Variants in TLN2 observed in about 807,000 individuals in gnomAD.
TLN2 encodes the protein talin 2.
A neutral mutation model predicts 294.7 loss-of-function variants in TLN2; 118 were observed. The observed-to-expected ratio is 0.40, with a 90% confidence interval of 0.34 to 0.47. The LOEUF (loss-of-function observed/expected upper bound fraction) is 0.47. TLN2 is among the 20% of genes least tolerant of loss of function. TLN2 has a pLI of 0.84. For missense variants in TLN2, 3,083 were observed against 3,282.2 expected (o/e 0.94, Z 1.48); for synonymous variants, 1,431 against 1,304.5 (o/e 1.10, Z -2.09).
At chr15:62,724,877 C>A in intron 26 of TLN2, 99 bp from the exon 27 acceptor site, 2 of 1,402,404 alleles carry the variant, frequency 1.4e-6, no homozygotes, top group East Asian at 2.4e-5. Flanking sequence ...TTTGGAGAAT[C>A]ACTGGGTATA....
intron 12 of TLN2, among the ~76,000 whole-genome samples, chr15:62,691,499 A>G (rs1375843284): frequency 6.6e-6 from 1 of 152,172 alleles, no homozygotes; most frequent in East Asian, 1.9e-4. Context: ...ATTTGCTGCA[A>G]GAGAATTTGC....
Position 62,778,228 on chromosome 15 carries a change from T to C in TLN2, c.5514+1318T>C, listed in dbSNP as rs528045271. ...GCGTCTCCCTTTAGAGGCCGCAGGC[T>C]CTACTTTGTCAAATCATCCATCAGT... is the stretch of plus-strand genomic sequence containing the variant. On this transcript the variant is annotated intron_variant, in intron 43 of 58. Transcript: ENST00000636159. Among the ~76,000 whole-genome samples the C allele has an allele frequency of 1.2e-4, 19 of 152,328 alleles. 1 individual carries two copies. The South Asian group carries it at 3.5e-3, about 28-fold the overall frequency.
intron 24 of TLN2, 85 bp from the exon 25 acceptor site, chr15:62,719,682 A>G (rs2060003736): frequency 8.6e-7 from 1 of 1,165,598 alleles, no homozygotes; most frequent in Non-Finnish European, 1.2e-6. Context: ...GGCACATCCA[A>G]AAAGCGCACT....
chr15:62,660,509 A>G (rs1416208424), intron 9 of TLN2, among the ~76,000 whole-genome samples: 2 of 152,230 alleles, frequency 1.3e-5, no homozygotes, highest in Non-Finnish European at 2.9e-5. Flanking sequence ...CTTTATCTAC[A>G]TGACAGTTTT....
chr15:62,786,941 C>G (rs2064711316), intron 45 of TLN2, among the ~76,000 whole-genome samples: 1 of 152,170 alleles, frequency 6.6e-6, no homozygotes, highest in Non-Finnish European at 1.5e-5. Flanking sequence ...CACTCTGTTG[C>G]CCAGGCTGGA....
intron 11 of TLN2, among the ~76,000 whole-genome samples, chr15:62,680,787 A>G (rs1235439495): frequency 6.6e-6 from 1 of 152,048 alleles, no homozygotes; most frequent in Non-Finnish European, 1.5e-5. Flanking sequence ...TTGCGTTTGT[A>G]TCCTCATAGC....
At chr15:62,784,792 G>T (rs372593368) in intron 45 of TLN2, 24 of 152,340 alleles carry the variant, frequency 1.6e-4, no homozygotes, top group Non-Finnish European at 2.9e-5. Flanking sequence ...TTTATTGAGC[G>T]CAAACCATGT....
intron 1 of TLN2, among the ~76,000 whole-genome samples, chr15:62,453,953 C>T (rs1414903591): frequency 6.6e-6 from 1 of 152,190 alleles, no homozygotes; most frequent in South Asian, 2.1e-4. Context: ...AGTTTTGCTG[C>T]TATTGTCCAC....
chr15:62,653,450 G>A (rs760174250), intron 7 of TLN2, 136 bp downstream of exon 7: 15 of 1,088,306 alleles, frequency 1.4e-5, no homozygotes, highest in Non-Finnish European at 1.9e-5. Context: ...AGTAGGCTGG[G>A]CTCAGTGGCT....
chr15:62,718,309 G>C (rs915449392), intron 24 of TLN2, among the ~76,000 whole-genome samples: 3 of 152,232 alleles, frequency 2.0e-5, no homozygotes, highest in African/African-American at 7.2e-5. Context: ...ACAAAGTCCA[G>C]TTGCAAAGCC....
intron 12 of TLN2, among the ~76,000 whole-genome samples, chr15:62,692,389 C>T (rs2057996383): frequency 6.6e-6 from 1 of 152,232 alleles, no homozygotes; most frequent in Non-Finnish European, 1.5e-5. Flanking sequence ...TTTCCCTGCT[C>T]TGCAGCTTCC....
chr15:62,610,998 C>T (rs560229004), intron 2 of TLN2, among the ~76,000 whole-genome samples: 1 of 152,162 alleles, frequency 6.6e-6, no homozygotes, highest in African/African-American at 2.4e-5. Context: ...CCCCCTCCTG[C>T]ATCCCTTCCT....
At chr15:62,455,315 G>A (rs1048231346) in intron 1 of TLN2, among the ~76,000 whole-genome samples, 3 of 152,004 alleles carry the variant, frequency 2.0e-5, no homozygotes, top group Non-Finnish European at 2.9e-5. Flanking sequence ...GTTCCTGGAG[G>A]TGCACTTCAG....
chr15:62,520,954 G>A (rs142534733), intron 1 of TLN2, among the ~76,000 whole-genome samples: 265 of 152,270 alleles, frequency 1.7e-3, no homozygotes, highest in Middle Eastern at 3.4e-3. Context: ...GGTTAAATTA[G>A]ACGTGCAAAA....
chr15:62,717,246 AT>A (rs113194007), intron 23 of TLN2, among the ~76,000 whole-genome samples: 1 of 151,480 alleles, frequency 6.6e-6, no homozygotes, highest in Admixed American at 6.6e-5. Flanking sequence ...CTTGTGGGAG[AT>A]TTTTTTTTCC....
At chr15:62,770,919 G>GT in intron 41 of TLN2, 45 bp from the exon 42 acceptor site, 3 of 1,574,536 alleles carry the variant, frequency 1.9e-6, no homozygotes, top group Non-Finnish European at 2.6e-6. Context: ...GGAGACACGT[G>GT]TATTTACATG....
At chr15:62,447,492 T>C (rs2035884086) in intron 1 of TLN2, among the ~76,000 whole-genome samples, 1 of 150,580 alleles carries the variant, frequency 6.6e-6, no homozygotes, top group South Asian at 2.1e-4. Flanking sequence ...GAGTTAACTT[T>C]ACTTTTTTTT....
intron 1 of TLN2, among the ~76,000 whole-genome samples, chr15:62,460,939 G>A (rs934265751): frequency 6.6e-6 from 1 of 151,660 alleles, no homozygotes; most frequent in Non-Finnish European, 1.5e-5. Context: ...GTGTGTGTGT[G>A]TTTATTTTAT....
At chr15:62,738,008 C>G (rs991611768) in intron 29 of TLN2, among the ~76,000 whole-genome samples, 4 of 152,096 alleles carry the variant, frequency 2.6e-5, no homozygotes, top group Non-Finnish European at 5.9e-5. Flanking sequence ...TTTGCTGAGA[C>G]AGAATATTAA....
Sources: gnomAD v4.1 joint callset for allele counts (sites outside exome capture counted in the v4.1 genomes callset) on GRCh38, gnomAD v4.1.1 for gene constraint, MANE v1.5 for transcripts, NCBI Gene and HGNC (gene_info 2026-07-23, HGNC 2026-07-21) for gene names.